Variants in RPRD1B observed in about 807,000 individuals in gnomAD.
The protein encoded by RPRD1B is regulation of nuclear pre-mRNA domain containing 1B, also known as regulation of nuclear pre-mRNA domain-containing protein 1B.
RPRD1B carries 11 observed loss-of-function variants against 41.5 expected under a neutral mutation model. The observed-to-expected ratio is 0.27, with a 90% CI of 0.17 to 0.44. RPRD1B has a LOEUF of 0.44. Among genes scored for constraint, RPRD1B ranks in the 20% least tolerant of loss-of-function variants. The pLI, the probability that RPRD1B is intolerant of heterozygous loss-of-function variation, is 1.00. For synonymous variants in RPRD1B, 158 were observed against 155.6 expected (o/e 1.02, Z -0.12); for missense variants, 248 against 389.9 (o/e 0.64, Z 3.06).
intron 2 of RPRD1B, among the ~76,000 whole-genome samples, chr20:38,043,522 G>T (rs2074089410): frequency 6.6e-6 from 1 of 152,172 alleles, no homozygotes; most frequent in Non-Finnish European, 1.5e-5. Context: ...AAATGGCTTA[G>T]TGTAGAGGGA....
rs1326828267 is a variant in RPRD1B at position 38,092,262 on chromosome 20, A to G, written c.*2387A>G. 2.0e-6 allele frequency: 2 copies of G among 984,542 alleles called. No homozygotes were observed. Among genetic ancestry groups the G allele is most frequent in the Non-Finnish European group, 2.4e-6 (2 of 828,878 alleles). The allele number at this position is 984,542 out of a possible 1,614,324, so 61.0% of individuals were successfully genotyped here. On this transcript the variant is annotated 3_prime_UTR_variant, in exon 7 of 7. Transcript: ENST00000373433. Reference sequence around the variant, plus strand: ...TTTCAAAGCTTAAATTTGTATATTAATTTAGGACTATTTAGAAGTATAGGC... The same window carrying G: ...TTTCAAAGCTTAAATTTGTATATTAGTTTAGGACTATTTAGAAGTATAGGC...
intron 6 of RPRD1B, among the ~76,000 whole-genome samples, chr20:38,089,451 C>G (rs1157914828): frequency 6.6e-6 from 1 of 152,006 alleles, no homozygotes; most frequent in Non-Finnish European, 1.5e-5. Context: ...ATGCAAATAC[C>G]AAGTGTTATT....
intron 5 of RPRD1B, among the ~76,000 whole-genome samples, chr20:38,060,221 A>G (rs1237651468): frequency 2.6e-5 from 4 of 152,226 alleles, no homozygotes; most frequent in African/African-American, 4.8e-5. Context: ...AGGTCACACA[A>G]GTAGTGGATC....
At chr20:38,077,852 G>A (rs976467902) in intron 6 of RPRD1B, among the ~76,000 whole-genome samples, 2 of 152,112 alleles carry the variant, frequency 1.3e-5, no homozygotes, top group African/African-American at 4.8e-5. Flanking sequence ...AAACATTTAA[G>A]TAGCTTCTCA....
At chr20:38,056,040 G>C (rs2074236850) in intron 3 of RPRD1B, among the ~76,000 whole-genome samples, 1 of 152,218 alleles carries the variant, frequency 6.6e-6, no homozygotes, top group Non-Finnish European at 1.5e-5. Context: ...AGGACGGCCT[G>C]TATTGCAGAT....
At chr20:38,056,171 G>C (rs1413442751) in intron 3 of RPRD1B, among the ~76,000 whole-genome samples, 1 of 152,112 alleles carries the variant, frequency 6.6e-6, no homozygotes, top group Admixed American at 6.5e-5. Flanking sequence ...TGGGTCACTG[G>C]AGGCCAGGAG....
chr20:38,072,205 A>AG lies in RPRD1B; in HGVS notation c.831+5956dup, dbSNP rs1004358758. On this transcript the variant is annotated intron_variant, in intron 6 of 6. Transcript: ENST00000373433. ...TTAGTTTTTGTATGTGGTGTGATGT[A>AG]GGGGGGGACCAACTTCATTCTTTTG... is the stretch of plus-strand genomic sequence containing the variant. 5.3e-5 allele frequency among the ~76,000 whole-genome samples: 8 copies of AG among 152,216 alleles called. 1 individual carries two copies. The highest frequency in any genetic ancestry group is 2.1e-4 in the South Asian group (1 of 4,826).
intron 3 of RPRD1B, among the ~76,000 whole-genome samples, chr20:38,051,542 A>G (rs947012977): frequency 6.6e-6 from 1 of 152,222 alleles, no homozygotes; most frequent in African/African-American, 2.4e-5. Flanking sequence ...AAAAAGGTAT[A>G]GTAATTTTGT....
Position 38,055,509 on chromosome 20 carries a change from C to T in RPRD1B, c.416-2023C>T, listed in dbSNP as rs78543304. ...ACGTTGTCATTCTTTTCATCACTCC[C>T]ACTTTCTTCATTGCTAAGTTGGCCT... On this transcript the variant is annotated intron_variant, in intron 3 of 6. Transcript: ENST00000373433. Among the ~76,000 whole-genome samples, 1,379 of 152,056 alleles carry T rather than the reference C, an allele frequency of 9.1e-3. 23 individuals carry two copies. The highest frequency in any genetic ancestry group is 0.032 in the African/African-American group (1,326 of 41,444).
In RPRD1B at chr20:38,048,377, T is replaced by C; in HGVS notation, c.311T>C (p.Leu104Ser). The C allele has an allele frequency of 6.2e-7, 1 of 1,613,924 alleles. No homozygotes were observed. The highest frequency in any genetic ancestry group is 8.5e-7 in the Non-Finnish European group (1 of 1,179,852). ...READEGCKKPLERLLNIWQER... is the reference protein window; with the variant it reads ...READEGCKKPSERLLNIWQER... ...GCAGATGAAGGCTGTAAAAAACCTTTAGAAAGATTGCTGAACATCTGGCAA... is the reference window on the plus strand; with the variant it reads ...GCAGATGAAGGCTGTAAAAAACCTTCAGAAAGATTGCTGAACATCTGGCAA... The change falls in exon 3 of 7, where the codon TTA becomes TCA. Residue 104 changes from leucine to serine, a missense_variant. Transcript: ENST00000373433.
rs765422100 is a variant in RPRD1B, at chr20:38,091,891, G to C, written c.*2016G>C. 4.7e-5 allele frequency: 46 copies of C among 985,680 alleles called. No homozygotes were observed. Among genetic ancestry groups the C allele is most frequent in the Non-Finnish European group, 5.5e-5 (46 of 829,846 alleles). 61.1% of individuals were successfully genotyped at this position (985,680 alleles called of 1,614,324 possible). A position where few individuals can be genotyped will look rare whatever the true frequency, so the allele number is the denominator to read the frequency against. ...ACAGCAAAAGTTAAGAAATGAAACT[G>C]TAGCAATTATGTAAATGAATGTGTT... On this transcript the variant is annotated 3_prime_UTR_variant, in exon 7 of 7. Coordinates refer to ENST00000373433, the MANE Select transcript of RPRD1B (RefSeq NM_021215.4).
intron 6 of RPRD1B, among the ~76,000 whole-genome samples, chr20:38,066,621 T>A (rs2074359571): frequency 6.6e-6 from 1 of 152,210 alleles, no homozygotes; most frequent in South Asian, 2.1e-4. Context: ...ATTTGGGAAG[T>A]GCTGAAAAAT....
At chr20:38,086,001 G>A (rs1386555488) in intron 6 of RPRD1B, among the ~76,000 whole-genome samples, 2 of 152,062 alleles carry the variant, frequency 1.3e-5, no homozygotes, top group Non-Finnish European at 2.9e-5. Context: ...CACCACGCTT[G>A]GCTAATTTTG....
intron 1 of RPRD1B, among the ~76,000 whole-genome samples, chr20:38,037,221 T>C (rs2074012750): frequency 1.3e-5 from 2 of 152,162 alleles, no homozygotes; most frequent in South Asian, 4.1e-4. Flanking sequence ...AGGAATAATT[T>C]TTAATTTATC....
intron 2 of RPRD1B, 42 bp downstream of exon 2, chr20:38,040,606 C>T (rs375133317): frequency 6.4e-7 from 1 of 1,572,320 alleles, no homozygotes; most frequent in Non-Finnish European, 8.6e-7. Context: ...AATTCATTGC[C>T]TTTCCCACCT....
intron 6 of RPRD1B, among the ~76,000 whole-genome samples, chr20:38,086,936 G>GT (rs2074566699): frequency 6.6e-6 from 1 of 151,980 alleles, no homozygotes; most frequent in African/African-American, 2.4e-5. Flanking sequence ...CTGTTGTTTG[G>GT]TTTTTTGGGG....
chr20:38,075,889 T>G (rs1353996145), intron 6 of RPRD1B, among the ~76,000 whole-genome samples: 4 of 152,208 alleles, frequency 2.6e-5, no homozygotes, highest in Admixed American at 2.6e-4. Flanking sequence ...GTTTTTTTCC[T>G]TATTGAGGTC....
Position 38,066,555 on chromosome 20 carries a change from A to G in RPRD1B, c.831+299A>G, listed in dbSNP as rs187314534. Among the ~76,000 whole-genome samples the G allele has an allele frequency of 2.6e-5, 4 of 152,360 alleles. No individual in the cohort carries two copies. The East Asian group carries it at 7.7e-4, about 29-fold the overall frequency. On this transcript the variant is annotated intron_variant, in intron 6 of 6. Transcript: ENST00000373433. ...ACTCATGTTTTTAAAAAAATTACGA[A>G]TTGAGGTACAAAAAGGATAGCAAAT...
chr20:38,076,906 CTTTTTTTTTTTTT>C (rs573460686), intron 6 of RPRD1B, among the ~76,000 whole-genome samples: 16 of 63,524 alleles, frequency 2.5e-4, no homozygotes, highest in South Asian at 5.9e-4. Context: ...CATTCTGGAC[CTTTTTTTTTTTTT>C]TTTTTTTTTT....
Sources: allele counts gnomAD v4.1 joint callset (sites outside exome capture counted in the v4.1 genomes callset), GRCh38; gene constraint gnomAD v4.1.1; transcripts MANE v1.5; gene names NCBI Gene and HGNC (gene_info 2026-07-23, HGNC 2026-07-21).